The following NTRK2 variants were observed in gnomAD, a reference collection of about 807,000 sequenced individuals.
NTRK2 encodes the protein BDNF/NT-3 growth factors receptor.
In NTRK2, 13 loss-of-function variants were observed where a neutral mutation model predicts 94.5. The ratio of observed to expected loss-of-function variants is 0.14; its 90% CI spans 0.09 to 0.22. NTRK2 has a LOEUF of 0.22. Among genes scored for constraint, NTRK2 ranks in the 10% least tolerant of loss-of-function variants. The pLI is 1.00. For missense variants in NTRK2, 639 were observed against 1,071.2 expected (o/e 0.60, Z 5.63); for synonymous variants, 372 against 407.4 (o/e 0.91, Z 1.05).
intron 5 of NTRK2, among the ~76,000 whole-genome samples, chr9:84,708,337 C>T (rs1168726180): frequency 6.6e-6 from 1 of 152,196 alleles, no homozygotes; most frequent in Non-Finnish European, 1.5e-5. Context: ...ACTCTGCTCA[C>T]TTTTGTCCAT....
At chr9:85,000,556 G>A (rs1830225533) in intron 17 of NTRK2, among the ~76,000 whole-genome samples, 1 of 152,078 alleles carries the variant, frequency 6.6e-6, no homozygotes, top group Non-Finnish European at 1.5e-5. Flanking sequence ...CTTAATAATA[G>A]GCATTTAAAG....
chr9:84,846,852 G>A (rs764940117), intron 12 of NTRK2, among the ~76,000 whole-genome samples: 6 of 152,252 alleles, frequency 3.9e-5, no homozygotes, highest in East Asian at 1.9e-4. Flanking sequence ...CTCAAGACTC[G>A]CATCGTTCCC....
intron 8 of NTRK2, 63 bp from the exon 9 acceptor site, chr9:84,727,591 C>T: frequency 6.7e-7 from 1 of 1,489,088 alleles, no homozygotes; most frequent in Non-Finnish European, 9.3e-7. Flanking sequence ...ATGACACAGA[C>T]ATCTCGAGAT....
intron 17 of NTRK2, among the ~76,000 whole-genome samples, chr9:84,972,025 T>A (rs1180307215): frequency 6.6e-6 from 1 of 152,126 alleles, no homozygotes; most frequent in African/African-American, 2.4e-5. Context: ...TAAAGTGATT[T>A]TAAGTCATCT....
At chr9:84,901,639 A>G (rs1262483760) in intron 14 of NTRK2, among the ~76,000 whole-genome samples, 1 of 152,098 alleles carries the variant, frequency 6.6e-6, no homozygotes, top group Non-Finnish European at 1.5e-5. Flanking sequence ...GAGCATATTG[A>G]TTTTCATCTG....
intron 12 of NTRK2, among the ~76,000 whole-genome samples, chr9:84,780,531 A>G (rs1398708605): frequency 1.3e-5 from 2 of 152,162 alleles, no homozygotes; most frequent in African/African-American, 4.8e-5. Context: ...GCCAGTCCCT[A>G]AATCAACGTA....
At chr9:84,952,197 A>G (rs1194714723) in intron 16 of NTRK2, among the ~76,000 whole-genome samples, 1 of 152,254 alleles carries the variant, frequency 6.6e-6, no homozygotes. Context: ...GTAGCAGATG[A>G]CAGAGCTGAG....
At chr9:84,707,967 T>C in intron 5 of NTRK2, 55 bp downstream of exon 5, 4 of 1,414,036 alleles carry the variant, frequency 2.8e-6, no homozygotes, top group East Asian at 4.6e-5. Flanking sequence ...GAAGGGGTAA[T>C]TAAGTATTTT....
chr9:84,868,269 A>G (rs1367069338), intron 14 of NTRK2, among the ~76,000 whole-genome samples: 1 of 152,172 alleles, frequency 6.6e-6, no homozygotes, highest in Non-Finnish European at 1.5e-5. Flanking sequence ...GCATGTTCCT[A>G]TCCTGTCTTA....
intron 12 of NTRK2, among the ~76,000 whole-genome samples, chr9:84,808,241 A>G (rs1382697433): frequency 6.6e-6 from 1 of 152,166 alleles, no homozygotes. Context: ...ATAATTAGTG[A>G]GCCTGGAGGG....
At chr9:84,984,985 G>A (rs187060006) in intron 17 of NTRK2, among the ~76,000 whole-genome samples, 4 of 152,304 alleles carry the variant, frequency 2.6e-5, no homozygotes, top group African/African-American at 9.6e-5. Flanking sequence ...TAGACTATGA[G>A]TGTGACTTTA....
chr9:84,842,487 C>T (rs939336173), intron 12 of NTRK2, among the ~76,000 whole-genome samples: 1 of 152,200 alleles, frequency 6.6e-6, no homozygotes, highest in Non-Finnish European at 1.5e-5. Context: ...TTTACCTCCA[C>T]TGCAGGCTCA....
intron 12 of NTRK2, among the ~76,000 whole-genome samples, chr9:84,774,361 A>G (rs890568047): frequency 1.3e-5 from 2 of 152,198 alleles, no homozygotes; most frequent in Admixed American, 1.3e-4. Flanking sequence ...ATCTCAACAG[A>G]CAGGATGGAG....
intron 12 of NTRK2, among the ~76,000 whole-genome samples, chr9:84,789,503 A>C (rs923374140): frequency 2.0e-5 from 3 of 152,198 alleles, no homozygotes; most frequent in Admixed American, 2.0e-4. Context: ...TGGTTAGCAA[A>C]GAAAGACAAG....
intron 12 of NTRK2, among the ~76,000 whole-genome samples, chr9:84,796,853 A>G (rs1199625156): frequency 6.6e-6 from 1 of 152,218 alleles, no homozygotes; most frequent in Non-Finnish European, 1.5e-5. Context: ...TTGATGAATC[A>G]TATAATCTTA....
intron 14 of NTRK2, among the ~76,000 whole-genome samples, chr9:84,879,858 G>T (rs1456776162): frequency 6.6e-6 from 1 of 152,182 alleles, no homozygotes; most frequent in Non-Finnish European, 1.5e-5. Flanking sequence ...GTGTCCACAT[G>T]GTGGGTGCTG....
intron 14 of NTRK2, among the ~76,000 whole-genome samples, chr9:84,931,416 AAGAGAG>A (rs60534679): frequency 3.9e-4 from 57 of 147,906 alleles, no homozygotes; most frequent in African/African-American, 1.2e-3. Context: ...CAAAAAAAAA[AAGAGAG>A]AGAGAGAGAG....
At chr9:84,718,084 T>C (rs2061826082) in intron 6 of NTRK2, among the ~76,000 whole-genome samples, 1 of 152,026 alleles carries the variant, frequency 6.6e-6, no homozygotes, top group East Asian at 1.9e-4. Context: ...CCTTTTTTTT[T>C]GTAATCTTGG....
chr9:84,929,549 T>C (rs2077947826), intron 14 of NTRK2, among the ~76,000 whole-genome samples: 1 of 151,924 alleles, frequency 6.6e-6, no homozygotes, highest in Non-Finnish European at 1.5e-5. Flanking sequence ...TCATTCATGG[T>C]AGAGTTTGGT....
Sources: allele counts gnomAD v4.1 joint callset (sites outside exome capture counted in the v4.1 genomes callset), GRCh38; gene constraint gnomAD v4.1.1; transcripts MANE v1.5; gene names NCBI Gene and HGNC (gene_info 2026-07-23, HGNC 2026-07-21).